The following SRGAP3 variants were observed in gnomAD, a reference collection of about 807,000 sequenced individuals.
SRGAP3 encodes the protein SLIT-ROBO Rho GTPase-activating protein 3.
Under a neutral mutation model 121.1 loss-of-function variants are expected in SRGAP3, and 39 were observed. The ratio of observed to expected loss-of-function variants is 0.32; its 90% CI spans 0.25 to 0.42. SRGAP3 has a LOEUF of 0.42. Ranked by LOEUF, SRGAP3 falls within the 10% of genes least tolerant of loss-of-function variation. The probability of loss-of-function intolerance (pLI) is 1.00; values close to 1 mark genes in which losing one functional copy is unlikely to be tolerated. For synonymous variants in SRGAP3, 601 were observed against 570.0 expected, an observed-to-expected ratio of 1.05 and a Z score of -0.77; for missense variants, 1,213 against 1,470.6, an observed-to-expected ratio of 0.82 and a Z score of 2.86.
At chr3:9,181,481 A>G (rs984988177) in intron 1 of SRGAP3, among the ~76,000 whole-genome samples, 2 of 152,146 alleles carry the variant, frequency 1.3e-5, no homozygotes, top group African/African-American at 4.8e-5. Flanking sequence ...CTCTTATTGG[A>G]AGATTCTCGG....
At chr3:9,155,974 C>A (rs1950403128) in intron 1 of SRGAP3, among the ~76,000 whole-genome samples, 1 of 152,134 alleles carries the variant, frequency 6.6e-6, no homozygotes, top group South Asian at 2.1e-4. Flanking sequence ...CGCCACCACG[C>A]CCCGCTAATT....
chr3:9,045,313 C>T (rs936428092), intron 10 of SRGAP3, among the ~76,000 whole-genome samples: 5 of 152,140 alleles, frequency 3.3e-5, no homozygotes, highest in African/African-American at 1.2e-4. Context: ...TACGGAGACT[C>T]TTCCAGTTGG....
intron 4 of SRGAP3, among the ~76,000 whole-genome samples, chr3:9,076,440 T>C (rs1946977908): frequency 1.2e-5 from 1 of 83,528 alleles, no homozygotes; most frequent in South Asian, 3.6e-4. Context: ...ATCATCCCTG[T>C]TTGGCAACAA....
intron 3 of SRGAP3, among the ~76,000 whole-genome samples, chr3:9,320,778 C>T (rs932963034): frequency 6.6e-6 from 1 of 151,792 alleles, no homozygotes; most frequent in Non-Finnish European, 1.5e-5. Flanking sequence ...AATTGATCAC[C>T]TTGAACTTCT....
intron 1 of SRGAP3, among the ~76,000 whole-genome samples, chr3:9,341,867 A>G (rs1955793445): frequency 6.6e-6 from 1 of 152,144 alleles, no homozygotes; most frequent in South Asian, 2.1e-4. Context: ...TGTAAATGTC[A>G]CATTTGTCTT....
At chr3:9,039,218 T>C (rs1944909100) in intron 10 of SRGAP3, among the ~76,000 whole-genome samples, 1 of 152,188 alleles carries the variant, frequency 6.6e-6, no homozygotes, top group African/African-American at 2.4e-5. Flanking sequence ...TACTCTTCAC[T>C]TTCATGACTC....
intron 1 of SRGAP3, among the ~76,000 whole-genome samples, chr3:9,210,069 G>A (rs1952397584): frequency 6.6e-6 from 1 of 152,116 alleles, no homozygotes; most frequent in African/African-American, 2.4e-5. Flanking sequence ...CAGACGTTGT[G>A]TGATTCCATT....
intron 1 of SRGAP3, among the ~76,000 whole-genome samples, chr3:9,339,918 G>T (rs1412246847): frequency 6.6e-6 from 1 of 152,120 alleles, no homozygotes; most frequent in Non-Finnish European, 1.5e-5. Flanking sequence ...ATGCTCTGCT[G>T]AAACAGGAAC....
chr3:9,070,531 G>A (rs1222754400), intron 4 of SRGAP3, among the ~76,000 whole-genome samples: 1 of 152,218 alleles, frequency 6.6e-6, no homozygotes, highest in Non-Finnish European at 1.5e-5. Flanking sequence ...TGGGCTGGCT[G>A]GATCAACAGA....
At chr3:9,164,871 A>T (rs1950728675) in intron 1 of SRGAP3, among the ~76,000 whole-genome samples, 1 of 152,254 alleles carries the variant, frequency 6.6e-6, no homozygotes, top group Non-Finnish European at 1.5e-5. Context: ...TTTACAGATA[A>T]GAAAACAGGT....
chr3:9,086,922 G>T (rs1458613368), intron 3 of SRGAP3, among the ~76,000 whole-genome samples: 1 of 151,082 alleles, frequency 6.6e-6, no homozygotes, highest in South Asian at 2.1e-4. Context: ...GAATTTTTTA[G>T]TAACTCTTCC....
At chr3:9,072,694 G>A (rs1468603068) in intron 4 of SRGAP3, among the ~76,000 whole-genome samples, 1 of 152,226 alleles carries the variant, frequency 6.6e-6, no homozygotes, top group African/African-American at 2.4e-5. Context: ...CCACAGACGG[G>A]GGAAACCGAG....
intron 1 of SRGAP3, among the ~76,000 whole-genome samples, chr3:9,148,603 C>T (rs924106152): frequency 1.3e-5 from 2 of 152,202 alleles, no homozygotes; most frequent in African/African-American, 4.8e-5. Flanking sequence ...AATCCATTTG[C>T]ATCCATTATT....
intron 2 of SRGAP3, among the ~76,000 whole-genome samples, chr3:9,122,750 A>C (rs1575107247): frequency 6.6e-6 from 1 of 151,970 alleles, no homozygotes; most frequent in East Asian, 1.9e-4. Context: ...GTAGAAAAAG[A>C]AGCACGGTAT....
intron 1 of SRGAP3, among the ~76,000 whole-genome samples, chr3:9,352,073 G>A (rs535045600): frequency 6.6e-6 from 1 of 152,050 alleles, no homozygotes; most frequent in African/African-American, 2.4e-5. Flanking sequence ...GGGCTTTAAG[G>A]CCATCTAATC....
At chr3:9,082,267 A>C (rs1405126136) in intron 3 of SRGAP3, among the ~76,000 whole-genome samples, 1 of 152,190 alleles carries the variant, frequency 6.6e-6, no homozygotes, top group African/African-American at 2.4e-5. Flanking sequence ...CAGCCTGCAG[A>C]ACTGTGAGCC....
chr3:9,262,870 C>T (rs1574953648), intron 3 of SRGAP3, among the ~76,000 whole-genome samples: 1 of 152,240 alleles, frequency 6.6e-6, no homozygotes, highest in South Asian at 2.1e-4. Flanking sequence ...ACCAAGTGGG[C>T]CTAATAGACA....
At chr3:9,286,159 CACAT>C (rs1954766156) in intron 3 of SRGAP3, among the ~76,000 whole-genome samples, 1 of 135,424 alleles carries the variant, frequency 7.4e-6, no homozygotes, top group East Asian at 2.0e-4. Flanking sequence ...CACACACACA[CACAT>C]TTATCTGTGT....
chr3:9,149,571 A>G (rs900761838), intron 1 of SRGAP3, among the ~76,000 whole-genome samples: 7 of 152,186 alleles, frequency 4.6e-5, no homozygotes, highest in Non-Finnish European at 1.0e-4. Context: ...GGGCTCCAAG[A>G]TGCCTTGAGT....
Sources: gnomAD v4.1 joint callset for allele counts (sites outside exome capture counted in the v4.1 genomes callset) on GRCh38, gnomAD v4.1.1 for gene constraint, MANE v1.5 for transcripts, NCBI Gene and HGNC (gene_info 2026-07-23, HGNC 2026-07-21) for gene names.